The following SPATS2L variants were observed in gnomAD, a reference collection of about 807,000 sequenced individuals.
SPATS2L encodes spermatogenesis associated serine rich 2 like, also known as SPATS2-like protein.
In SPATS2L, 30 loss-of-function variants were observed where a neutral mutation model predicts 59.6. The observed-to-expected ratio is 0.50, with a 90% CI of 0.38 to 0.68. The LOEUF (loss-of-function observed/expected upper bound fraction) is 0.68. SPATS2L is among the 30% of genes least tolerant of loss of function. The pLI, the probability that SPATS2L is intolerant of heterozygous loss-of-function variation, is 0.00. For synonymous variants in SPATS2L, 252 were observed against 263.5 expected, an observed-to-expected ratio of 0.96 and a Z score of 0.42; for missense variants, 615 against 700.0, an observed-to-expected ratio of 0.88 and a Z score of 1.37.
chr2:200,416,345 G>T, intron 4 of SPATS2L, 34 bp from the exon 5 acceptor site: 1 of 1,203,314 alleles, frequency 8.3e-7, no homozygotes, highest in Non-Finnish European at 1.1e-6. Flanking sequence ...TTTATGATGT[G>T]AATATTTGTT....
At chr2:200,398,725 G>A (rs1206470818) in intron 3 of SPATS2L, among the ~76,000 whole-genome samples, 46 of 152,146 alleles carry the variant, frequency 3.0e-4, no homozygotes, top group Admixed American at 3.0e-3. Context: ...TGAACCTGTG[G>A]TCTTTCCCAC....
intron 2 of SPATS2L, among the ~76,000 whole-genome samples, chr2:200,355,230 TG>T (rs1233891258): frequency 3.3e-5 from 5 of 152,094 alleles, no homozygotes; most frequent in Admixed American, 6.6e-5. Flanking sequence ...GGAAAAATCG[TG>T]GTTTCTGGAA....
chr2:200,457,580 G>A (rs2085937816), intron 8 of SPATS2L, among the ~76,000 whole-genome samples: 2 of 152,204 alleles, frequency 1.3e-5, no homozygotes, highest in South Asian at 4.1e-4. Context: ...TGATATGTTG[G>A]TTACACCAAA....
At chr2:200,427,762 G>T (rs988710173) in intron 6 of SPATS2L, among the ~76,000 whole-genome samples, 2 of 152,100 alleles carry the variant, frequency 1.3e-5, no homozygotes, top group Non-Finnish European at 2.9e-5. Flanking sequence ...TTTGGTCTCT[G>T]TTCCAAAGTT....
At chr2:200,423,035 C>CA (rs1252331687) in intron 6 of SPATS2L, among the ~76,000 whole-genome samples, 8 of 152,132 alleles carry the variant, frequency 5.3e-5, no homozygotes, top group African/African-American at 1.9e-4. Context: ...TCGTATATGG[C>CA]ATGGATACTC....
At chr2:200,323,609 G>A (rs1231425663) in intron 1 of SPATS2L, among the ~76,000 whole-genome samples, 1 of 152,118 alleles carries the variant, frequency 6.6e-6, no homozygotes, top group Non-Finnish European at 1.5e-5. Context: ...CTGGTGCCTA[G>A]CTTAGAGTCT....
chr2:200,448,722 T>C (rs1162427696), intron 8 of SPATS2L, among the ~76,000 whole-genome samples: 2 of 152,162 alleles, frequency 1.3e-5, no homozygotes, highest in Non-Finnish European at 2.9e-5. Context: ...CAAAGCACCA[T>C]AGAAAGAGAA....
intron 2 of SPATS2L, among the ~76,000 whole-genome samples, chr2:200,356,106 C>T (rs910172702): frequency 1.3e-5 from 2 of 152,142 alleles, no homozygotes; most frequent in Non-Finnish European, 2.9e-5. Context: ...TTTTGAATTT[C>T]TTATTTGAAT....
intron 2 of SPATS2L, among the ~76,000 whole-genome samples, chr2:200,337,363 C>T (rs1213385736): frequency 1.3e-5 from 2 of 152,152 alleles, no homozygotes; most frequent in Non-Finnish European, 2.9e-5. Context: ...AAAACATTCT[C>T]AGGCTTTAAC....
At chr2:200,315,918 G>A (rs552717864) in intron 1 of SPATS2L, among the ~76,000 whole-genome samples, 75 of 149,882 alleles carry the variant, frequency 5.0e-4, no homozygotes, top group African/African-American at 1.7e-3. Context: ...CCAGCTACTC[G>A]GGAGGCTGAG....
intron 2 of SPATS2L, among the ~76,000 whole-genome samples, chr2:200,337,811 A>T (rs1035215234): frequency 6.6e-6 from 1 of 152,198 alleles, no homozygotes; most frequent in African/African-American, 2.4e-5. Flanking sequence ...TTAGCAAGAC[A>T]TTACATAAGA....
At chr2:200,368,793 C>T (rs1338435922) in intron 2 of SPATS2L, among the ~76,000 whole-genome samples, 1 of 152,102 alleles carries the variant, frequency 6.6e-6, no homozygotes. Context: ...AGATGAGAAG[C>T]CCATCTCTAC....
At chr2:200,393,481 G>A (rs1049360974) in intron 3 of SPATS2L, among the ~76,000 whole-genome samples, 4 of 152,194 alleles carry the variant, frequency 2.6e-5, no homozygotes, top group Non-Finnish European at 5.9e-5. Context: ...TTTTCCCACT[G>A]CATTTCCGTA....
rs733054 is a variant in SPATS2L at position 200,479,711 on chromosome 2, A to G, written c.*1680A>G. On this transcript the variant is annotated 3_prime_UTR_variant, in exon 13 of 13. Transcript: ENST00000409140. ...TCACAAGTGCAAATGCTTATTCTCA[A>G]CTCAACATTAACATTTTTTCTGGCA... 305,537 of 398,424 alleles carry G rather than the reference A, an allele frequency of 0.77. 118,849 individuals carry two copies. The highest frequency in any genetic ancestry group is 0.81 in the Middle Eastern group (1,293 of 1,588). The allele number at this position is 398,424 out of a possible 1,614,324, so 24.7% of individuals were successfully genotyped here.
At chr2:200,400,965 G>A (rs1303367897) in intron 3 of SPATS2L, among the ~76,000 whole-genome samples, 1 of 152,180 alleles carries the variant, frequency 6.6e-6, no homozygotes, top group Non-Finnish European at 1.5e-5. Flanking sequence ...CCCATTAAAA[G>A]ATGGAGCCTG....
chr2:200,361,034 A>C (rs2081083891), intron 2 of SPATS2L, among the ~76,000 whole-genome samples: 1 of 147,890 alleles, frequency 6.8e-6, no homozygotes. Flanking sequence ...TTCTGGATCC[A>C]TTGTGAAACT....
chr2:200,407,309 GGTCT>G (rs777400823), intron 3 of SPATS2L, among the ~76,000 whole-genome samples: 5 of 152,264 alleles, frequency 3.3e-5, no homozygotes, highest in Non-Finnish European at 5.9e-5. Flanking sequence ...TTAGAACATA[GGTCT>G]GTCTAACTCC....
intron 6 of SPATS2L, among the ~76,000 whole-genome samples, chr2:200,424,028 T>C (rs2083420123): frequency 6.6e-6 from 1 of 152,194 alleles, no homozygotes; most frequent in Non-Finnish European, 1.5e-5. Flanking sequence ...GACAATGCTG[T>C]GTGTCAGCAG....
intron 3 of SPATS2L, 66 bp downstream of exon 3, chr2:200,389,349 A>C: frequency 8.4e-7 from 1 of 1,190,402 alleles, no homozygotes; most frequent in Non-Finnish European, 1.2e-6. Flanking sequence ...CTAGCAGGTA[A>C]AAACTCAATT....
Sources: gnomAD v4.1 joint callset for allele counts (sites outside exome capture counted in the v4.1 genomes callset) on GRCh38, gnomAD v4.1.1 for gene constraint, MANE v1.5 for transcripts, NCBI Gene and HGNC (gene_info 2026-07-23, HGNC 2026-07-21) for gene names.